TBL2: variants seen among roughly 807,000 people sequenced by gnomAD.
TBL2 encodes the protein transducin beta like 2.
In TBL2, 33 loss-of-function variants were observed where a neutral mutation model predicts 41.8. The ratio of observed to expected loss-of-function variants is 0.79; its 90% CI spans 0.60 to 1.06. The LOEUF is 1.06. Among genes scored for constraint, TBL2 ranks in the 50% least tolerant of loss-of-function variants. The pLI is 0.00. For missense variants in TBL2, 522 were observed against 603.8 expected (o/e 0.86, Z 1.42); for synonymous variants, 239 against 241.7 (o/e 0.99, Z 0.10).
chr7:73,572,066 AAAAC>A (rs571020319), intron 5 of TBL2: 47 of 157,078 alleles, frequency 3.0e-4, no homozygotes, highest in Non-Finnish European at 5.4e-4. Context: ...TCCATCTCAA[AAAAC>A]AAACAAACAA....
chr7:73,572,157 G>A (rs751078661), intron 5 of TBL2: 2 of 159,012 alleles, frequency 1.3e-5, no homozygotes, highest in Non-Finnish European at 2.8e-5. Flanking sequence ...TAACATCCCC[G>A]CCCAAAGGTG....
chr7:73,570,972 C>A lies in TBL2; in HGVS notation c.879G>T (p.Arg293Ser), dbSNP rs200216728. 4 of 1,593,922 alleles carry A rather than the reference C, an allele frequency of 2.5e-6. No homozygotes were observed. The highest frequency in any genetic ancestry group is 3.4e-6 in the Non-Finnish European group (4 of 1,168,748). Residue 293 changes from arginine (R) to serine (S), a missense_variant and splice_region_variant, in exon 7 of 7, where the codon AGG becomes AGT. By Grantham distance (110) the Arg-to-Ser change is moderately radical (BLOSUM62 -1). Coordinates refer to ENST00000305632, the MANE Select transcript of TBL2 (RefSeq NM_012453.4). ...TACCATCCTTGGAGACAGAAGCCAT[C>A]CTGCAACACAGAAAATCACAGCTCA... ...HSFAFSNDSR[R>S]MASVSKDGTW...
At chr7:73,574,236 T>C (rs563763886) in intron 2 of TBL2, 114 bp from the exon 3 acceptor site, 1 of 1,524,500 alleles carries the variant, frequency 6.6e-7, no homozygotes, top group East Asian at 2.3e-5. Context: ...AAGCTGAGAT[T>C]GGGCTGCGAT....
At chr7:73,578,336 C>G in intron 1 of TBL2, 84 bp downstream of exon 1, 3 of 1,536,258 alleles carry the variant, frequency 2.0e-6, no homozygotes, top group Non-Finnish European at 2.6e-6. Flanking sequence ...CCACCAGCCG[C>G]GGGCCCAAAC....
chr7:73,578,511 C>G lies in TBL2; in HGVS notation c.39G>C (p.Ser13=), dbSNP rs782348353. 30 of 1,592,898 alleles carry G rather than the reference C, an allele frequency of 1.9e-5. No individual in the cohort carries two copies. Among genetic ancestry groups the G allele is most frequent in the Non-Finnish European group, 2.6e-5 (30 of 1,171,796 alleles). ...TCAGGGCCAGCAGCCCAAGCAACAC[C>G]GACAGCCCCATGAGCTCCGACATCT... ...LSQMSELMGL[S]VLLGLLALMA... is the part of the protein sequence containing the mutation. The change falls in exon 1 of 7, where the codon TCG becomes TCC. Residue 13 remains serine, a synonymous_variant. Transcript: ENST00000305632.
In TBL2 at chr7:73,570,779, T is replaced by C. The variant is rs1185219474; in HGVS notation, c.1072A>G (p.Asn358Asp). 1 of 1,614,182 alleles carries C rather than the reference T, an allele frequency of 6.2e-7. No individual in the cohort carries two copies. The highest frequency in any genetic ancestry group is 8.5e-7 in the Non-Finnish European group (1 of 1,180,046). ...LASGSSIHLY[N>D]TRRGEKEECF... The stretch of plus-strand genomic sequence containing the variant: ...TCCTCCTTCTCGCCCCGCCGGGTAT[T>C]GTAGAGATGAATACTACTGCCACTG... Residue 358 changes from asparagine (N) to aspartate (D), a missense_variant, in exon 7 of 7, where the codon AAT (asparagine) becomes GAT (aspartate). Physicochemically the swap from Asn to Asp is conservative, Grantham distance 23. Coordinates refer to ENST00000305632, the MANE Select transcript of TBL2 (RefSeq NM_012453.4).
At position 73,574,221 on chromosome 7, in the gene TBL2, A is replaced by C. The variant is rs548655405; in HGVS notation, c.262-99T>G. 4.9e-5 allele frequency: 75 copies of C among 1,542,492 alleles called. No individual in the cohort carries two copies. In the African/African-American group the frequency reaches 9.7e-4, roughly 20 times the overall value. ...AGATGGGGCCCTGTGGCCTGGATTAACAGCAAGCTGAGATTGGGCTGCGAT... is the reference window on the plus strand; with the variant it reads ...AGATGGGGCCCTGTGGCCTGGATTACCAGCAAGCTGAGATTGGGCTGCGAT... On this transcript the variant is annotated intron_variant, in intron 2 of 6. Transcript: ENST00000305632.
chr7:73,574,987 G>A (rs974076543), intron 1 of TBL2, among the ~76,000 whole-genome samples: 6 of 152,190 alleles, frequency 3.9e-5, no homozygotes, highest in Admixed American at 6.5e-5. Flanking sequence ...GCTGCTGGGC[G>A]GGTACACAGC....
intron 1 of TBL2, among the ~76,000 whole-genome samples, chr7:73,577,447 G>A (rs1793407044): frequency 6.6e-6 from 1 of 152,104 alleles, no homozygotes; most frequent in Admixed American, 6.6e-5. Flanking sequence ...GGTGGTGTGT[G>A]CCTGTAGTCC....
intron 1 of TBL2, 174 bp downstream of exon 1, chr7:73,578,246 C>A (rs527657699): frequency 6.5e-7 from 1 of 1,531,778 alleles, no homozygotes; most frequent in Admixed American, 2.0e-5. Flanking sequence ...TGCGCCTAAC[C>A]CGGCAAGGCG....
intron 5 of TBL2, among the ~76,000 whole-genome samples, chr7:73,572,382 AAGGCTACAGT>A (rs1793014880): frequency 6.6e-6 from 1 of 152,132 alleles, no homozygotes; most frequent in African/African-American, 2.4e-5. Flanking sequence ...CTGGGAAGTC[AAGGCTACAGT>A]GAGCTGTGAT....
Position 73,570,483 on chromosome 7 carries a change from C to A in TBL2, c.*24G>T, listed in dbSNP as rs781998930. The A allele has an allele frequency of 1.2e-4, 179 of 1,483,136 alleles. No individual in the cohort carries two copies. The African/African-American group carries it at 2.3e-3, about 19-fold the overall frequency. The allele number at this position is 1,483,136 out of a possible 1,614,324, so 91.9% of individuals were successfully genotyped here. ...GGAGGCCAGATCCCTCCTCCTCAAT[C>A]CTCTGCGCCGGGCCCTCCCAGAGTC... is the stretch of plus-strand genomic sequence containing the variant. On this transcript the variant is annotated 3_prime_UTR_variant, in exon 7 of 7. Transcript: ENST00000305632.
intron 5 of TBL2, 138 bp downstream of exon 5, chr7:73,572,706 G>A: frequency 8.5e-7 from 1 of 1,180,626 alleles, no homozygotes; most frequent in Non-Finnish European, 1.2e-6. Context: ...CAAGTGGGGA[G>A]AGCTGAGACT....
chr7:73,576,715 C>G (rs1584038075), intron 1 of TBL2: 1 of 456,650 alleles, frequency 2.2e-6, no homozygotes, highest in Middle Eastern at 3.3e-4. Flanking sequence ...CAAACAAACA[C>G]AGCCACAATC....
chr7:73,572,724 CG>C (rs1793036184), intron 5 of TBL2, 119 bp downstream of exon 5: 2 of 1,425,096 alleles, frequency 1.4e-6, no homozygotes, highest in Admixed American at 3.9e-5. Context: ...ACTTGAAGCT[CG>C]GGTTCCTGAC....
chr7:73,576,221 T>C (rs1292729936), intron 1 of TBL2, among the ~76,000 whole-genome samples: 1 of 150,556 alleles, frequency 6.6e-6, no homozygotes, highest in Admixed American at 6.6e-5. Flanking sequence ...TTTTTTTTGT[T>C]TGATACAGAG....
At chr7:73,578,367 G>A in intron 1 of TBL2, 53 bp downstream of exon 1, 1 of 1,525,834 alleles carries the variant, frequency 6.6e-7, no homozygotes, top group South Asian at 1.2e-5. Context: ...ACCACGAGGA[G>A]GCCGGGAGCC....
rs782542601 is a variant in TBL2 at position 73,574,596 on chromosome 7, G to A, written c.131-83C>T. The A allele has an allele frequency of 2.0e-5, 31 of 1,587,894 alleles. 2 individuals are homozygous for A. The South Asian group carries it at 3.2e-4, about 17-fold the overall frequency. On this transcript the variant is annotated intron_variant, in intron 1 of 6. Transcript: ENST00000305632. ...CCTATGATGAGCCAGGCATTGAGTG[G>A]AACAGCAGGAGATTAACCAGATATG...
At position 73,570,634 on chromosome 7, in the gene TBL2, C is replaced by T. The variant is rs201210140; in HGVS notation, c.1217G>A (p.Arg406Gln). Residue 406 changes from arginine (R) to glutamine (Q), a missense_variant, in exon 7 of 7, where the codon CGA becomes CAA. Coordinates refer to ENST00000305632, the MANE Select transcript of TBL2 (RefSeq NM_012453.4). The stretch of plus-strand genomic sequence containing the variant: ...GCCCTGCATCTCCTCCACCATGGCT[C>T]GGTGGCCAGGAGTGTTGTGAAACAG... Reference protein sequence around the residue: ...VRLFHNTPGHRAMVEEMQGHL... With the variant: ...VRLFHNTPGHQAMVEEMQGHL... The T allele has an allele frequency of 1.9e-5, 31 of 1,613,736 alleles. No individual in the cohort carries two copies. Among genetic ancestry groups the T allele is most frequent in the South Asian group, 1.3e-4 (12 of 91,058 alleles).
Sources: gnomAD v4.1 joint callset for allele counts (sites outside exome capture counted in the v4.1 genomes callset) on GRCh38, gnomAD v4.1.1 for gene constraint, MANE v1.5 for transcripts, NCBI Gene and HGNC (gene_info 2026-07-23, HGNC 2026-07-21) for gene names.